Variants in RALGAPA1 observed in about 807,000 individuals in gnomAD.
The protein encoded by RALGAPA1 is Ral GTPase activating protein catalytic subunit alpha 1, also known as ral GTPase-activating protein subunit alpha-1.
Under a neutral mutation model 269.6 loss-of-function variants are expected in RALGAPA1, and 52 were observed. The observed-to-expected ratio is 0.19, with a 90% confidence interval of 0.15 to 0.24. The LOEUF (loss-of-function observed/expected upper bound fraction) is 0.24. Among genes scored for constraint, RALGAPA1 ranks in the 10% least tolerant of loss-of-function variants. The pLI is 1.00. For missense variants in RALGAPA1, 1,917 were observed against 3,013.9 expected (o/e 0.64, Z 8.52); for synonymous variants, 817 against 1,008.3 (o/e 0.81, Z 3.60).
intron 1 of RALGAPA1, 62 bp downstream of exon 1, chr14:35,808,668 G>A (rs546234373): frequency 1.3e-6 from 2 of 1,533,916 alleles, no homozygotes; most frequent in African/African-American, 2.7e-5. Context: ...GTCCGCAGGG[G>A]CTCCCAGGAG....
chr14:35,555,860 C>T (rs973614745), intron 39 of RALGAPA1, among the ~76,000 whole-genome samples: 1 of 151,870 alleles, frequency 6.6e-6, no homozygotes, highest in African/African-American at 2.4e-5. Context: ...AGGTGTTGTG[C>T]GGTGAAAAAG....
At chr14:35,802,185 G>A (rs764563645) in intron 1 of RALGAPA1, among the ~76,000 whole-genome samples, 24 of 152,156 alleles carry the variant, frequency 1.6e-4, no homozygotes, top group Admixed American at 3.3e-4. Context: ...GTGTGTGCCT[G>A]TAATCCCAGC....
intron 16 of RALGAPA1, among the ~76,000 whole-genome samples, chr14:35,713,213 T>C (rs1008741346): frequency 2.0e-5 from 3 of 152,220 alleles, no homozygotes; most frequent in Non-Finnish European, 2.9e-5. Context: ...AGTGGTGTAC[T>C]GGACCAAGAT....
At chr14:35,648,980 T>A (rs932247706) in intron 31 of RALGAPA1, among the ~76,000 whole-genome samples, 1 of 152,262 alleles carries the variant, frequency 6.6e-6, no homozygotes, top group African/African-American at 2.4e-5. Context: ...TAATGTGCTA[T>A]ACTTTGCTAA....
At position 35,627,465 on chromosome 14, in the gene RALGAPA1, T is replaced by G; in HGVS notation, c.6482A>C (p.Asp2161Ala). 1 of 1,613,630 alleles carries G rather than the reference T, an allele frequency of 6.2e-7. No homozygotes were observed. The highest frequency in any genetic ancestry group is 1.1e-5 in the South Asian group (1 of 90,896). The change falls in exon 34 of 42, where the codon GAT (aspartate) becomes GCT (alanine). Residue 2161 changes from aspartate (D) to alanine (A), a missense_variant. By Grantham distance (126) the Asp-to-Ala change is moderately radical. Coordinates refer to ENST00000680220, the MANE Select transcript of RALGAPA1 (RefSeq NM_001346249.2). ...NECLEDITVK[D>A]GLSLQFKRFR... ...TCTTTTAAACTGGAGAGAAAGTCCA[T>G]CTTTTACGGTTATATCTTCTAAGCA... is the stretch of plus-strand genomic sequence containing the variant.
intron 5 of RALGAPA1, among the ~76,000 whole-genome samples, chr14:35,761,927 G>A (rs1377984048): frequency 6.6e-6 from 1 of 152,182 alleles, no homozygotes; most frequent in African/African-American, 2.4e-5. Flanking sequence ...AAAAGCACCT[G>A]TAATAATGTT....
chr14:35,721,725 G>A lies in RALGAPA1; in HGVS notation c.2229C>T (p.Thr743=), dbSNP rs200566365. The A allele has an allele frequency of 5.0e-6, 8 of 1,613,590 alleles. No individual in the cohort carries two copies. Among genetic ancestry groups the A allele is most frequent in the South Asian group, 2.2e-5 (2 of 91,050 alleles). The change falls in exon 16 of 42, where the codon ACC becomes ACT. Residue 743 remains threonine, a synonymous_variant. Coordinates refer to ENST00000680220, the MANE Select transcript of RALGAPA1 (RefSeq NM_001346249.2). ...RSATTTGSPG[T]EKARSIVRQK... is the part of the protein sequence containing the mutation. ...GCCGTACTATACTCCTCGCCTTTTCGGTTCCTGGAGAACCAGTGGTTGTTG... is the reference window on the plus strand; with the variant it reads ...GCCGTACTATACTCCTCGCCTTTTCAGTTCCTGGAGAACCAGTGGTTGTTG...
intron 37 of RALGAPA1, among the ~76,000 whole-genome samples, chr14:35,582,411 A>G (rs1178349576): frequency 6.6e-6 from 1 of 152,250 alleles, no homozygotes; most frequent in Non-Finnish European, 1.5e-5. Context: ...ACTGAAAATC[A>G]ACAATTCTTT....
intron 26 of RALGAPA1, among the ~76,000 whole-genome samples, chr14:35,670,559 A>G (rs1307767920): frequency 6.6e-6 from 1 of 152,112 alleles, no homozygotes; most frequent in Non-Finnish European, 1.5e-5. Flanking sequence ...AACATATTCC[A>G]TTTATACTGA....
Position 35,572,734 on chromosome 14 carries a change from A to G in RALGAPA1, c.7210-16T>C. The G allele has an allele frequency of 6.3e-7, 1 of 1,585,694 alleles. No homozygotes were observed. The highest frequency in any genetic ancestry group is 8.6e-7 in the Non-Finnish European group (1 of 1,166,572). ...AATGTCTCAACTGGAAAGACAAGAA[A>G]ACAATTTATACTGCTTTAAAAGCTC... On this transcript the variant is annotated splice_polypyrimidine_tract_variant and intron_variant, in intron 37 of 41. Transcript: ENST00000680220.
chr14:35,719,571 C>T (rs1176068827), intron 16 of RALGAPA1, among the ~76,000 whole-genome samples: 2 of 152,086 alleles, frequency 1.3e-5, no homozygotes, highest in South Asian at 2.1e-4. Flanking sequence ...CAAAGATACA[C>T]GCCAACATGT....
At chr14:35,575,420 G>A (rs1269177563) in intron 37 of RALGAPA1, among the ~76,000 whole-genome samples, 1 of 152,138 alleles carries the variant, frequency 6.6e-6, no homozygotes, top group Admixed American at 6.6e-5. Flanking sequence ...TTTAACATGT[G>A]TACAAGTGAA....
At chr14:35,541,837 C>T (rs920796361) in intron 41 of RALGAPA1, 16 of 458,282 alleles carry the variant, frequency 3.5e-5, no homozygotes, top group Non-Finnish European at 7.0e-5. Context: ...GAGTAGCAAG[C>T]AGAAGTGAGA....
rs147502065 is a variant in RALGAPA1 at position 35,637,223 on chromosome 14, A to G, written c.5677-1625T>C. On this transcript the variant is annotated intron_variant, in intron 31 of 41. Coordinates refer to ENST00000680220, the MANE Select transcript of RALGAPA1 (RefSeq NM_001346249.2). The stretch of plus-strand genomic sequence containing the variant: ...AAAACATGACCTCACCAAATGAATT[A>G]AATAAGGCACCAATGACCAATCCCA... Among the ~76,000 whole-genome samples, 677 of 152,328 alleles carry G rather than the reference A, an allele frequency of 4.4e-3. 5 individuals are homozygous for G. The highest frequency in any genetic ancestry group is 7.1e-3 in the Non-Finnish European group (483 of 68,032).
chr14:35,551,942 AT>A (rs1326360919), intron 39 of RALGAPA1, among the ~76,000 whole-genome samples: 7 of 152,192 alleles, frequency 4.6e-5, no homozygotes, highest in Non-Finnish European at 1.0e-4. Context: ...AAGGGAAGCA[AT>A]CATTAACGGT....
Position 35,678,060 on chromosome 14 carries a change from C to T in RALGAPA1, c.4514G>A (p.Arg1505Lys). ...TGTAGAAGGGGAAGGAGTCTGTGAC[C>T]TGGAGCCCAGAGGTGAGTGGACTGG... ...ASPVHSPLGS[R>K]SQTPSPSTLN... Residue 1505 changes from arginine (R) to lysine (K), a missense_variant, in exon 22 of 42, where the codon AGG becomes AAG. Physicochemically the swap from Arg to Lys is conservative, Grantham distance 26 (BLOSUM62 2). Around this residue, in one of 11 missense-constraint regions of RALGAPA1, gnomAD observed 615 missense variants for 790.0 expected, o/e 0.78. Transcript: ENST00000680220. 1 of 1,610,034 alleles carries T rather than the reference C, an allele frequency of 6.2e-7. No homozygotes were observed. The highest frequency in any genetic ancestry group is 8.5e-7 in the Non-Finnish European group (1 of 1,179,152).
intron 37 of RALGAPA1, among the ~76,000 whole-genome samples, chr14:35,587,056 C>A (rs1014881982): frequency 3.9e-5 from 6 of 152,116 alleles, no homozygotes; most frequent in African/African-American, 1.4e-4. Context: ...CCTCTTTGTA[C>A]CTCTGGTAGA....
chr14:35,712,035 T>C (rs1191639184), intron 16 of RALGAPA1, among the ~76,000 whole-genome samples: 1 of 151,904 alleles, frequency 6.6e-6, no homozygotes, highest in East Asian at 1.9e-4. Context: ...TCACTTGAGG[T>C]CAGGACTTTG....
chr14:35,672,096 T>C (rs2064501823), intron 25 of RALGAPA1, among the ~76,000 whole-genome samples: 1 of 152,198 alleles, frequency 6.6e-6, no homozygotes, highest in Admixed American at 6.5e-5. Context: ...CAACTTATCT[T>C]AAACAAAAGC....
Sources: allele counts gnomAD v4.1 joint callset (sites outside exome capture counted in the v4.1 genomes callset), GRCh38; gene constraint gnomAD v4.1.1; regional missense constraint gnomAD v4.1.1; transcripts MANE v1.5; gene names NCBI Gene and HGNC (gene_info 2026-07-23, HGNC 2026-07-21).